KLHL1: variants seen among roughly 807,000 people sequenced by gnomAD.
KLHL1 encodes kelch-like protein 1.
In KLHL1, 47 loss-of-function variants were observed where a neutral mutation model predicts 77.7. The ratio of observed to expected loss-of-function variants is 0.60; its 90% confidence interval spans 0.48 to 0.77. KLHL1 has a LOEUF of 0.77. Among genes scored for constraint, KLHL1 ranks in the 30% least tolerant of loss-of-function variants. The pLI is 0.00. For synonymous variants in KLHL1, 360 were observed against 325.2 expected (o/e 1.11, Z -1.15); for missense variants, 925 against 910.8 (o/e 1.02, Z -0.20).
chr13:69,761,631 C>T (rs1875024885), intron 7 of KLHL1, among the ~76,000 whole-genome samples: 2 of 152,120 alleles, frequency 1.3e-5, no homozygotes, highest in Non-Finnish European at 1.5e-5. Context: ...TTAAGATATG[C>T]CCTTTGGATA....
chr13:70,072,134 T>C (rs9564646), intron 1 of KLHL1, among the ~76,000 whole-genome samples: 29,930 of 151,970 alleles, frequency 0.2, 3,135 homozygotes, highest in Admixed American at 0.27. Context: ...ATTGATCCCA[T>C]AGACATTAAC....
intron 1 of KLHL1, among the ~76,000 whole-genome samples, chr13:69,979,408 T>C (rs1884643623): frequency 6.6e-6 from 1 of 152,204 alleles, no homozygotes; most frequent in East Asian, 1.9e-4. Context: ...TAATATAGAA[T>C]TTTAATATGA....
In KLHL1 at chr13:69,921,845, T is replaced by C. The variant is rs148754161; in HGVS notation, c.1014+18195A>G. 1.7e-3 allele frequency among the ~76,000 whole-genome samples: 265 copies of C among 151,544 alleles called. 1 individual carries two copies. The highest frequency in any genetic ancestry group is 6.0e-3 in the African/African-American group (250 of 41,358). ...ATAAGAACAAGGTTATACAAAAGCA[T>C]AGTAATAATAAGCTTTCTGGGAGGC... On this transcript the variant is annotated intron_variant, in intron 4 of 10. Transcript: ENST00000377844.
At chr13:69,781,994 T>G (rs142817329) in intron 7 of KLHL1, among the ~76,000 whole-genome samples, 1 of 152,302 alleles carries the variant, frequency 6.6e-6, no homozygotes, top group East Asian at 1.9e-4. Flanking sequence ...GCAGCAAACA[T>G]TTTAAATTTG....
intron 1 of KLHL1, among the ~76,000 whole-genome samples, chr13:70,029,840 G>T (rs1237510435): frequency 2.0e-5 from 3 of 152,286 alleles, no homozygotes; most frequent in Middle Eastern, 3.4e-3. Context: ...TCAGTGTGCT[G>T]TATTCATGAG....
At chr13:69,999,478 G>C (rs982692842) in intron 1 of KLHL1, among the ~76,000 whole-genome samples, 1 of 152,050 alleles carries the variant, frequency 6.6e-6, no homozygotes, top group Non-Finnish European at 1.5e-5. Context: ...GAGCTTGAAA[G>C]GTTTGACAGA....
intron 7 of KLHL1, among the ~76,000 whole-genome samples, chr13:69,768,771 T>A (rs1875431258): frequency 6.6e-6 from 1 of 152,144 alleles, no homozygotes; most frequent in Non-Finnish European, 1.5e-5. Flanking sequence ...CTTGACTGAA[T>A]TGAGATTTTT....
intron 9 of KLHL1, among the ~76,000 whole-genome samples, 158 bp from the exon 10 acceptor site, chr13:69,707,954 C>T (rs1875702195): frequency 6.6e-6 from 1 of 151,806 alleles, no homozygotes; most frequent in Admixed American, 6.6e-5. Context: ...AATGAACATC[C>T]ATTATGTCTA....
intron 6 of KLHL1, among the ~76,000 whole-genome samples, chr13:69,837,783 A>T (rs1314878388): frequency 6.6e-6 from 1 of 150,770 alleles, no homozygotes; most frequent in Non-Finnish European, 1.5e-5. Flanking sequence ...CAGATGGAAG[A>T]CATTTTATTG....
chr13:70,049,243 A>C (rs957446466), intron 1 of KLHL1, among the ~76,000 whole-genome samples: 3 of 152,210 alleles, frequency 2.0e-5, no homozygotes, highest in Non-Finnish European at 4.4e-5. Context: ...TAAATGAAAA[A>C]AAAATCAATT....
intron 6 of KLHL1, among the ~76,000 whole-genome samples, chr13:69,827,017 G>T (rs1003521537): frequency 6.7e-5 from 10 of 149,082 alleles, no homozygotes; most frequent in Non-Finnish European, 1.5e-4. Context: ...TAATTTCATG[G>T]TTCTTCATGC....
chr13:69,974,064 C>A (rs1408361622), intron 2 of KLHL1, among the ~76,000 whole-genome samples: 1 of 151,836 alleles, frequency 6.6e-6, no homozygotes, highest in Admixed American at 6.6e-5. Context: ...CTCGTGCTAC[C>A]CGATCATGAG....
At chr13:69,965,467 C>T (rs1041940403) in intron 2 of KLHL1, among the ~76,000 whole-genome samples, 9 of 152,150 alleles carry the variant, frequency 5.9e-5, no homozygotes, top group African/African-American at 2.4e-5. Context: ...TGGCCACCCC[C>T]TCATTTCTCC....
intron 1 of KLHL1, among the ~76,000 whole-genome samples, chr13:70,087,946 C>A (rs942916518): frequency 2.6e-5 from 4 of 152,024 alleles, no homozygotes; most frequent in African/African-American, 9.7e-5. Flanking sequence ...GGGAGAGCAT[C>A]ATGATAAATA....
intron 7 of KLHL1, among the ~76,000 whole-genome samples, chr13:69,756,185 C>T (rs865849478): frequency 3.9e-5 from 6 of 152,116 alleles, no homozygotes; most frequent in African/African-American, 1.4e-4. Flanking sequence ...CTTTGTCACA[C>T]CCTTACTCCA....
chr13:69,935,006 T>TA (rs1883135742), intron 4 of KLHL1, among the ~76,000 whole-genome samples: 1 of 134,770 alleles, frequency 7.4e-6, no homozygotes, highest in African/African-American at 3.0e-5. Context: ...ATATACATAT[T>TA]ATCATTATAA....
chr13:70,017,157 T>A (rs150339353), intron 1 of KLHL1, among the ~76,000 whole-genome samples: 1 of 152,330 alleles, frequency 6.6e-6, no homozygotes, highest in Non-Finnish European at 1.5e-5. Context: ...ACTCAGGACC[T>A]GCCAAATGGC....
At chr13:69,731,446 G>A (rs1029541556) in intron 8 of KLHL1, among the ~76,000 whole-genome samples, 4 of 152,270 alleles carry the variant, frequency 2.6e-5, no homozygotes, top group African/African-American at 9.6e-5. Context: ...TATAGGCTGT[G>A]TATGATTTTA....
chr13:70,067,360 C>A (rs1372285), intron 1 of KLHL1, among the ~76,000 whole-genome samples: 7,053 of 152,140 alleles, frequency 0.046, 536 homozygotes, highest in African/African-American at 0.16. Flanking sequence ...TTATTCCATT[C>A]TTATTTTATA....
Sources: allele counts gnomAD v4.1 joint callset (sites outside exome capture counted in the v4.1 genomes callset), GRCh38; gene constraint gnomAD v4.1.1; transcripts MANE v1.5; gene names NCBI Gene and HGNC (gene_info 2026-07-23, HGNC 2026-07-21).